Variants in CFAP107 observed in about 807,000 individuals in gnomAD.
CFAP107 encodes the protein cilia and flagella associated protein 107, also known as cilia- and flagella-associated protein 107.
At chr1:12,762,436 G>A in the CFAP107 span, 1 of 150,420 alleles carries the variant, frequency 6.6e-6, no homozygotes, top group Non-Finnish European at 1.5e-5. Flanking sequence ...GTCCATGTAA[G>A]GACGCTGTCT....
the CFAP107 span, among the ~76,000 whole-genome samples, chr1:12,757,328 TTCTTTTCTTTTCTTTTC>T: frequency 0.26 from 38,416 of 150,094 alleles, 5,070 homozygotes; most frequent in African/African-American, 0.33. Flanking sequence ...ATTTCTTTTT[TTCTTTTCTTTTCTTTTC>T]TCTTTTCTTT....
chr1:12,753,894 A>C, the CFAP107 span: 2 of 152,256 alleles, frequency 1.3e-5, no homozygotes, highest in African/African-American at 2.4e-5. Context: ...GCAAGAACTT[A>C]TCTCTCTCTT....
the CFAP107 span, among the ~76,000 whole-genome samples, chr1:12,748,929 T>C: frequency 2.6e-5 from 4 of 152,072 alleles, no homozygotes; most frequent in Non-Finnish European, 5.9e-5. Flanking sequence ...AATAACTGAA[T>C]TGAAAAATTC....
the CFAP107 span, among the ~76,000 whole-genome samples, chr1:12,749,753 A>C: frequency 0.011 from 1,606 of 152,332 alleles, 17 homozygotes; most frequent in African/African-American, 0.037. Context: ...GTATTCCACA[A>C]AATTGTCTCT....
At chr1:12,757,583 GC>G in the CFAP107 span, among the ~76,000 whole-genome samples, 39 of 151,868 alleles carry the variant, frequency 2.6e-4, no homozygotes, top group Non-Finnish European at 5.7e-4. Context: ...ATAGGGTTTT[GC>G]CATGTTGGTC....
At chr1:12,757,163 C>T in the CFAP107 span, among the ~76,000 whole-genome samples, 1 of 152,152 alleles carries the variant, frequency 6.6e-6, no homozygotes, top group Non-Finnish European at 1.5e-5. Context: ...GAGGTATTGA[C>T]CCTAGTTTTC....
the CFAP107 span, among the ~76,000 whole-genome samples, chr1:12,756,028 C>G: frequency 6.6e-6 from 1 of 152,212 alleles, no homozygotes; most frequent in East Asian, 1.9e-4. Flanking sequence ...GCATTCCCTC[C>G]AACCTATATC....
the CFAP107 span, among the ~76,000 whole-genome samples, chr1:12,757,583 G>A: frequency 4.0e-5 from 6 of 151,870 alleles, no homozygotes; most frequent in African/African-American, 1.2e-4. Context: ...ATAGGGTTTT[G>A]CCATGTTGGT....
At chr1:12,747,146 C>CA in the CFAP107 span, among the ~76,000 whole-genome samples, 1 of 151,842 alleles carries the variant, frequency 6.6e-6, no homozygotes, top group Non-Finnish European at 1.5e-5. Flanking sequence ...CGGTTCACTG[C>CA]AACCTTCACC....
the CFAP107 span, chr1:12,760,653 C>G: frequency 9.5e-7 from 1 of 1,055,116 alleles, no homozygotes; most frequent in Non-Finnish European, 1.4e-6. Flanking sequence ...TGGTCCCTGA[C>G]AGAGCAGCCT....
chr1:12,746,285 G>A, the CFAP107 span: 2 of 552,698 alleles, frequency 3.6e-6, no homozygotes, highest in Non-Finnish European at 6.6e-6. Context: ...TCTGAGGTTA[G>A]CAAGGAGTCA....
At chr1:12,759,701 G>A in the CFAP107 span, 6 of 636,530 alleles carry the variant, frequency 9.4e-6, no homozygotes, top group Non-Finnish European at 1.7e-5. Context: ...GTGTAATGAA[G>A]CCATCACCTG....
the CFAP107 span, among the ~76,000 whole-genome samples, chr1:12,760,211 A>T: frequency 6.6e-6 from 1 of 152,114 alleles, no homozygotes; most frequent in South Asian, 2.1e-4. Flanking sequence ...AGGGAATGAA[A>T]TTTGTCCTAT....
the CFAP107 span, chr1:12,760,834 C>A: frequency 1.2e-6 from 2 of 1,614,166 alleles, no homozygotes; most frequent in Non-Finnish European, 1.7e-6. Context: ...CCAAGGCTGG[C>A]CTGAAGCAGA....
At chr1:12,757,165 CTA>C in the CFAP107 span, among the ~76,000 whole-genome samples, 1 of 152,122 alleles carries the variant, frequency 6.6e-6, no homozygotes, top group Non-Finnish European at 1.5e-5. Flanking sequence ...GGTATTGACC[CTA>C]GTTTTCAGTG....
chr1:12,749,302 A>G, the CFAP107 span, among the ~76,000 whole-genome samples: 1 of 152,194 alleles, frequency 6.6e-6, no homozygotes, highest in Non-Finnish European at 1.5e-5. Flanking sequence ...ATCAAGAACA[A>G]TGGCTCCTCA....
the CFAP107 span, among the ~76,000 whole-genome samples, chr1:12,752,555 T>TAAAAA: frequency 6.4e-5 from 3 of 46,660 alleles, no homozygotes; most frequent in African/African-American, 8.3e-5. Context: ...CGACTCTGTC[T>TAAAAA]AAAAAAAAAA....
chr1:12,753,422 GA>G, the CFAP107 span: 3 of 148,264 alleles, frequency 2.0e-5, no homozygotes, highest in South Asian at 2.1e-4. Flanking sequence ...AAACAATCTT[GA>G]AAAAAAGAAC....
the CFAP107 span, among the ~76,000 whole-genome samples, chr1:12,751,767 A>G: frequency 3.9e-5 from 6 of 152,238 alleles, no homozygotes; most frequent in Admixed American, 3.3e-4. Context: ...TGAAAGTGTA[A>G]AATAATTACC....
Sources: gnomAD v4.1 joint callset for allele counts (sites outside exome capture counted in the v4.1 genomes callset) on GRCh38, gnomAD v4.1.1 for gene constraint, MANE v1.5 for transcripts, NCBI Gene and HGNC (gene_info 2026-07-23, HGNC 2026-07-21) for gene names.